ITGA9: variants seen among roughly 807,000 people sequenced by gnomAD.
ITGA9 encodes integrin alpha-9.
ITGA9 carries 56 observed loss-of-function variants against 127.8 expected under a neutral mutation model. The observed-to-expected ratio is 0.44, with a 90% CI of 0.35 to 0.55. ITGA9 has a LOEUF of 0.55. ITGA9 is among the 20% of genes least tolerant of loss of function. The pLI, the probability that ITGA9 is intolerant of heterozygous loss-of-function variation, is 0.00. For synonymous variants in ITGA9, 508 were observed against 514.5 expected, an observed-to-expected ratio of 0.99 and a Z score of 0.17; for missense variants, 1,196 against 1,347.1, an observed-to-expected ratio of 0.89 and a Z score of 1.76.
rs534092383 is a variant in ITGA9, at chr3:37,647,909, T to A, written c.1840-5805T>A. Among the ~76,000 whole-genome samples the A allele has an allele frequency of 1.7e-4, 26 of 152,300 alleles. 1 individual carries two copies. The South Asian group carries it at 5.0e-3, about 29-fold the overall frequency. ...ATACATATATACACACCACAATTTC[T>A]TTATCCATTCACCTGTTGACAAACA... is the stretch of plus-strand genomic sequence containing the variant. On this transcript the variant is annotated intron_variant, in intron 16 of 27. Coordinates refer to ENST00000264741, the MANE Select transcript of ITGA9 (RefSeq NM_002207.3).
At chr3:37,484,550 G>T (rs1240448931) in intron 4 of ITGA9, among the ~76,000 whole-genome samples, 1 of 152,198 alleles carries the variant, frequency 6.6e-6, no homozygotes, top group African/African-American at 2.4e-5. Context: ...ACAATGGGAA[G>T]ATTTTAGAGT....
At chr3:37,766,161 A>G (rs1044998870) in intron 23 of ITGA9, among the ~76,000 whole-genome samples, 1 of 152,228 alleles carries the variant, frequency 6.6e-6, no homozygotes, top group Non-Finnish European at 1.5e-5. Context: ...TTCTCATTTA[A>G]CCTGCCAAGG....
chr3:37,743,132 G>A lies in ITGA9; in HGVS notation c.2325-794G>A, dbSNP rs187007873. Among the ~76,000 whole-genome samples the A allele has an allele frequency of 1.1e-4, 17 of 152,272 alleles. No homozygotes were observed. In the East Asian group the frequency reaches 3.3e-3, roughly 29 times the overall value. ...CTGATCTCTCCAGGAACCTAAAACA[G>A]CTCTTGCCATTTGGTAATGCTGGGA... On this transcript the variant is annotated intron_variant, in intron 21 of 27. Transcript: ENST00000264741.
chr3:37,534,246 C>G (rs561150222), intron 14 of ITGA9, among the ~76,000 whole-genome samples: 4 of 118,362 alleles, frequency 3.4e-5, no homozygotes, highest in Admixed American at 9.9e-5. Flanking sequence ...TCCAGGCAAA[C>G]AAAAACACTA....
Position 37,736,991 on chromosome 3 carries a change from G to C in ITGA9, c.2234+8G>C, listed in dbSNP as rs200735233. On this transcript the variant is annotated splice_region_variant and intron_variant, in intron 20 of 27. Transcript: ENST00000264741. ...CATTGTTACTGCTCAGAGGTAAGGG[G>C]GGGGTTTAAACACTTTTTTCAAAGA... The C allele has an allele frequency of 3.8e-4, 599 of 1,584,914 alleles. No homozygotes were observed. The highest frequency in any genetic ancestry group is 5.0e-4 in the Non-Finnish European group (580 of 1,154,070).
At chr3:37,656,362 A>G (rs1700477873) in intron 17 of ITGA9, among the ~76,000 whole-genome samples, 1 of 151,896 alleles carries the variant, frequency 6.6e-6, no homozygotes, top group African/African-American at 2.4e-5. Flanking sequence ...GTCCTCCCTT[A>G]TTTCCTTGAG....
intron 16 of ITGA9, among the ~76,000 whole-genome samples, chr3:37,630,864 G>C (rs1182362450): frequency 6.6e-6 from 1 of 152,160 alleles, no homozygotes; most frequent in East Asian, 1.9e-4. Flanking sequence ...TGTCTAAGCA[G>C]GTGGGCAGAG....
intron 18 of ITGA9, among the ~76,000 whole-genome samples, chr3:37,690,070 C>T (rs765841559): frequency 3.3e-4 from 50 of 152,302 alleles, no homozygotes; most frequent in Middle Eastern, 6.8e-3. Flanking sequence ...GTGGCTAGTG[C>T]CATGTTGGAC....
chr3:37,817,289 G>C (rs1291121026), intron 27 of ITGA9, among the ~76,000 whole-genome samples: 1 of 152,202 alleles, frequency 6.6e-6, no homozygotes, highest in African/African-American at 2.4e-5. Context: ...AGTATGACTT[G>C]GGAATTGCAA....
At chr3:37,608,062 G>A (rs1020412701) in intron 15 of ITGA9, among the ~76,000 whole-genome samples, 5 of 152,220 alleles carry the variant, frequency 3.3e-5, no homozygotes, top group Non-Finnish European at 5.9e-5. Flanking sequence ...TTTTTCTACC[G>A]GGCACATCTT....
At chr3:37,692,121 G>A (rs991239673) in intron 18 of ITGA9, among the ~76,000 whole-genome samples, 1 of 152,072 alleles carries the variant, frequency 6.6e-6, no homozygotes, top group Admixed American at 6.5e-5. Flanking sequence ...GTGGGATTGT[G>A]CCAAGGATTA....
chr3:37,637,052 A>G (rs1407414324), intron 16 of ITGA9, among the ~76,000 whole-genome samples: 2 of 152,166 alleles, frequency 1.3e-5, no homozygotes, highest in South Asian at 2.1e-4. Context: ...AGTATAATTT[A>G]AAGTCAGGTA....
intron 20 of ITGA9, 62 bp from the exon 21 acceptor site, chr3:37,741,665 GAGA>G: frequency 7.9e-7 from 1 of 1,270,874 alleles, no homozygotes; most frequent in Non-Finnish European, 1.1e-6. Flanking sequence ...AAGTGGAACA[GAGA>G]AAGCCCACTG....
Position 37,629,456 on chromosome 3 carries a change from A to C in ITGA9, c.1839+120A>C, listed in dbSNP as rs1575173541. On this transcript the variant is annotated intron_variant, in intron 16 of 27. Coordinates refer to ENST00000264741, the MANE Select transcript of ITGA9 (RefSeq NM_002207.3). The surrounding 1 kb of genome is among the most constrained non-coding windows in gnomAD (Gnocchi z 4.5). ...GCTCAGGAGACCGCAGCCAGGACACACCTCCTCTCTGGGTCTCCCTTTTCT... is the reference window on the plus strand; with the variant it reads ...GCTCAGGAGACCGCAGCCAGGACACCCCTCCTCTCTGGGTCTCCCTTTTCT... 1.9e-6 allele frequency: 2 copies of C among 1,035,208 alleles called. No individual in the cohort carries two copies. 64.1% of individuals were successfully genotyped at this position (1,035,208 alleles called of 1,614,324 possible). A position where few individuals can be genotyped will look rare whatever the true frequency, so the allele number is the denominator to read the frequency against.
At chr3:37,512,060 CTTTCTTTCT>C (rs1698922222) in intron 8 of ITGA9, among the ~76,000 whole-genome samples, 1 of 51,586 alleles carries the variant, frequency 1.9e-5, no homozygotes, top group African/African-American at 6.6e-5. Context: ...TTCTTTCTTT[CTTTCTTTCT>C]TTCTTTCCTT....
intron 15 of ITGA9, among the ~76,000 whole-genome samples, chr3:37,586,723 G>T (rs1266929940): frequency 6.6e-6 from 1 of 152,106 alleles, no homozygotes; most frequent in Non-Finnish European, 1.5e-5. Flanking sequence ...AGAGTTGCTG[G>T]GCAGCCTGGG....
rs1699179631 is a variant in ITGA9 at position 37,533,535 on chromosome 3, G to A, written c.1528+67G>A. ...TGGAGTGGGCTAGTGGGATATTTCC[G>A]ATGTTCCCTGTCGCTGTTCCTCCCA... is the stretch of plus-strand genomic sequence containing the variant. On this transcript the variant is annotated intron_variant, in intron 14 of 27. Transcript: ENST00000264741. 9.8e-6 allele frequency: 15 copies of A among 1,531,506 alleles called. 1 individual carries two copies. The South Asian group carries it at 1.3e-4, about 13-fold the overall frequency. 94.9% of individuals were successfully genotyped at this position (1,531,506 alleles called of 1,614,324 possible). A position where few individuals can be genotyped will look rare whatever the true frequency, so the allele number is the denominator to read the frequency against.
At chr3:37,509,059 T>C (rs985925063) in intron 8 of ITGA9, among the ~76,000 whole-genome samples, 7 of 152,122 alleles carry the variant, frequency 4.6e-5, no homozygotes, top group African/African-American at 1.7e-4. Flanking sequence ...TCCCTAATCC[T>C]CAGCCCTCAA....
chr3:37,811,468 T>G (rs1162032085), intron 27 of ITGA9, among the ~76,000 whole-genome samples: 2 of 152,196 alleles, frequency 1.3e-5, no homozygotes, highest in East Asian at 1.9e-4. Context: ...GTGGAAAGAA[T>G]GAAGATGATG....
Sources: allele counts gnomAD v4.1 joint callset (sites outside exome capture counted in the v4.1 genomes callset), GRCh38; gene constraint gnomAD v4.1.1; non-coding constraint Gnocchi (gnomAD v3.1); transcripts MANE v1.5; gene names NCBI Gene and HGNC (gene_info 2026-07-23, HGNC 2026-07-21).